CRYBG1: variants seen among roughly 807,000 people sequenced by gnomAD.
The protein encoded by CRYBG1 is beta/gamma crystallin domain-containing protein 1.
In CRYBG1, 139 loss-of-function variants were observed where a neutral mutation model predicts 189.2. The ratio of observed to expected loss-of-function variants is 0.73; its 90% CI spans 0.64 to 0.85. CRYBG1 has a LOEUF of 0.85. CRYBG1 is among the 40% of genes least tolerant of loss of function. The probability of loss-of-function intolerance (pLI) is 0.00; values close to 1 mark genes in which losing one functional copy is unlikely to be tolerated. For missense variants in CRYBG1, 2,611 were observed against 2,675.8 expected (o/e 0.98, Z 0.53); for synonymous variants, 1,023 against 1,017.1 (o/e 1.01, Z -0.11).
chr6:106,528,569 C>T lies in CRYBG1; in HGVS notation c.4578+1099C>T, dbSNP rs146830755. The stretch of plus-strand genomic sequence containing the variant: ...CACTGTGGTTCTCAATCCTTTTTTT[C>T]TCTTTATACCACTTTCCTGAAAATC... On this transcript the variant is annotated intron_variant, in intron 7 of 21. Transcript: ENST00000633556. 2.1e-3 allele frequency among the ~76,000 whole-genome samples: 325 copies of T among 152,034 alleles called. 2 individuals carry two copies. The highest frequency in any genetic ancestry group is 7.5e-3 in the African/African-American group (311 of 41,468).
chr6:106,452,228 G>A, intron 2 of CRYBG1, among the ~76,000 whole-genome samples: 1 of 133,548 alleles, frequency 7.5e-6, no homozygotes, highest in African/African-American at 2.8e-5. Flanking sequence ...CCAACATGAT[G>A]AAACCCAGAC....
At chr6:106,409,244 C>A (rs972706543) in intron 1 of CRYBG1, among the ~76,000 whole-genome samples, 2 of 152,036 alleles carry the variant, frequency 1.3e-5, no homozygotes, top group South Asian at 2.1e-4. Context: ...AAACAGAGAG[C>A]CAGATCATGA....
intron 3 of CRYBG1, among the ~76,000 whole-genome samples, chr6:106,513,852 CTG>C (rs1562097432): frequency 1.3e-5 from 2 of 152,324 alleles, no homozygotes; most frequent in Non-Finnish European, 2.9e-5. Flanking sequence ...CACAAAACAA[CTG>C]TGACTACTTG....
At chr6:106,506,840 G>C (rs1562093307) in intron 2 of CRYBG1, among the ~76,000 whole-genome samples, 1 of 151,982 alleles carries the variant, frequency 6.6e-6, no homozygotes, top group Non-Finnish European at 1.5e-5. Context: ...ACTTAGTTTT[G>C]TTCCCATAGT....
At chr6:106,508,987 G>A (rs1252079430) in intron 2 of CRYBG1, among the ~76,000 whole-genome samples, 3 of 27,328 alleles carry the variant, frequency 1.1e-4, no homozygotes, top group Non-Finnish European at 1.9e-4. Context: ...CTGATCAAGC[G>A]TCTGCTGCAT....
intron 2 of CRYBG1, 66 bp from the exon 3 acceptor site, chr6:106,511,364 A>T: frequency 1.5e-6 from 2 of 1,376,130 alleles, no homozygotes; most frequent in Non-Finnish European, 1.9e-6. Flanking sequence ...TGGTTCTGTA[A>T]TGTACGTCTA....
At chr6:106,511,286 T>C in intron 2 of CRYBG1, 144 bp from the exon 3 acceptor site, 1 of 811,936 alleles carries the variant, frequency 1.2e-6, no homozygotes, top group South Asian at 2.8e-5. Flanking sequence ...TTTGTTGGAA[T>C]GAATGTAACA....
At chr6:106,383,294 C>T (rs1371703337) in intron 1 of CRYBG1, among the ~76,000 whole-genome samples, 1 of 152,010 alleles carries the variant, frequency 6.6e-6, no homozygotes, top group East Asian at 1.9e-4. Context: ...CATAAGTAGT[C>T]GTTAAAGTTT....
rs73522996 is a variant in CRYBG1, at chr6:106,558,047, G to A, written c.5716-439G>A. 5.4e-3 allele frequency among the ~76,000 whole-genome samples: 816 copies of A among 152,172 alleles called. 7 individuals carry two copies. The highest frequency in any genetic ancestry group is 0.019 in the African/African-American group (795 of 41,508). On this transcript the variant is annotated intron_variant, in intron 17 of 21. Coordinates refer to ENST00000633556, the MANE Select transcript of CRYBG1 (RefSeq NM_001371242.2). ...AAGACATTTGAAAATACATACAAGAGGAAGGTTCCCTGATTAGGCAATACC... is the reference window on the plus strand; with the variant it reads ...AAGACATTTGAAAATACATACAAGAAGAAGGTTCCCTGATTAGGCAATACC...
chr6:106,482,508 G>A (rs910687386), intron 2 of CRYBG1, among the ~76,000 whole-genome samples: 1 of 152,134 alleles, frequency 6.6e-6, no homozygotes, highest in Non-Finnish European at 1.5e-5. Flanking sequence ...AGGCATGGTG[G>A]CTCACGCCTA....
Position 106,520,818 on chromosome 6 carries a change from C to A in CRYBG1, c.3610C>A (p.His1204Asn). 1 of 1,614,124 alleles carries A rather than the reference C, an allele frequency of 6.2e-7. No homozygotes were observed. Among genetic ancestry groups the A allele is most frequent in the Non-Finnish European group, 8.5e-7 (1 of 1,180,020 alleles). ...AEQSVLFKSLHTNTNGNSEPL... is the reference protein window; with the variant it reads ...AEQSVLFKSLNTNTNGNSEPL... ...ACAGAGCGTCCTCTTCAAGTCCCTG[C>A]ACACCAACACTAATGGGAACAGTGA... is the stretch of plus-strand genomic sequence containing the variant. Residue 1204 changes from histidine to asparagine, a missense_variant, in exon 4 of 22, where the codon CAC becomes AAC. Coordinates refer to ENST00000633556, the MANE Select transcript of CRYBG1 (RefSeq NM_001371242.2).
chr6:106,451,965 T>A, intron 2 of CRYBG1, 133 bp downstream of exon 2: 9 of 396,616 alleles, frequency 2.3e-5, no homozygotes, highest in South Asian at 1.0e-4. Flanking sequence ...ATTATATATA[T>A]CATATGTAAT....
rs138390542 is a variant in CRYBG1 at position 106,546,371 on chromosome 6, G to T, written c.5312+1438G>T. Reference sequence around the variant, plus strand: ...ATGTGACATTGGTTATGCTGAAAGTGTTTGGTGTTAGGTTTTTGTTGTCAT... The same window carrying T: ...ATGTGACATTGGTTATGCTGAAAGTTTTTGGTGTTAGGTTTTTGTTGTCAT... On this transcript the variant is annotated intron_variant, in intron 13 of 21. Coordinates refer to ENST00000633556, the MANE Select transcript of CRYBG1 (RefSeq NM_001371242.2). 3.2e-3 allele frequency among the ~76,000 whole-genome samples: 495 copies of T among 152,332 alleles called. 4 individuals carry two copies. The highest frequency in any genetic ancestry group is 0.012 in the African/African-American group (480 of 41,574).
chr6:106,482,034 C>T (rs975987253), intron 2 of CRYBG1, among the ~76,000 whole-genome samples: 4 of 150,964 alleles, frequency 2.6e-5, no homozygotes, highest in African/African-American at 9.8e-5. Flanking sequence ...TCCCAGGTTC[C>T]TGCTGTCTAG....
rs965476629 is a variant in CRYBG1 at position 106,520,244 on chromosome 6, T to C, written c.3036T>C (p.Asn1012=). The C allele has an allele frequency of 1.4e-5, 22 of 1,614,024 alleles. No individual in the cohort carries two copies. Among genetic ancestry groups the C allele is most frequent in the Non-Finnish European group, 1.5e-5 (18 of 1,180,030 alleles). The change falls in exon 4 of 22, where the codon AAT becomes AAC. Residue 1012 remains asparagine, a synonymous_variant. Coordinates refer to ENST00000633556, the MANE Select transcript of CRYBG1 (RefSeq NM_001371242.2). Reference sequence around the variant, plus strand: ...CCCCACAAGAGGAAGTACTGGGCAATGAACACTCTCATTGCACAGCAGAGC... The same window carrying C: ...CCCCACAAGAGGAAGTACTGGGCAACGAACACTCTCATTGCACAGCAGAGC... ...CAPPQEEVLG[N]EHSHCTAELA...
chr6:106,521,459 T>C lies in CRYBG1; in HGVS notation c.4245+6T>C. The C allele has an allele frequency of 6.4e-7, 1 of 1,555,196 alleles. No individual in the cohort carries two copies. Among genetic ancestry groups the C allele is most frequent in the Non-Finnish European group, 8.7e-7 (1 of 1,154,632 alleles). On this transcript the variant is annotated splice_donor_region_variant and intron_variant, in intron 4 of 21. Transcript: ENST00000633556. ...TGTCATTATCAGACACAATGGTAAG[T>C]AGCAATGTGTTATTATTTATTTGGG... is the stretch of plus-strand genomic sequence containing the variant.
chr6:106,512,014 GC>G lies in CRYBG1; in HGVS notation c.900del (p.Thr301ProfsTer9), dbSNP rs1562095383. ...TGGGTGTGAGGGGTGCGCCAGGGTC[GC>G]CCACCCAGGAGCGGCCCGCGGGAGG... ...FLGVRGAPGS[P>X]TQERPAGGLG... On this transcript the variant is annotated frameshift_variant, in exon 3 of 22. Transcript: ENST00000633556. LOFTEE classifies it high-confidence loss of function. 3 of 1,529,380 alleles carry G rather than the reference GC, an allele frequency of 2.0e-6. No individual in the cohort carries two copies. The highest frequency in any genetic ancestry group is 2.6e-6 in the Non-Finnish European group (3 of 1,143,252). 94.7% of individuals were successfully genotyped at this position (1,529,380 alleles called of 1,614,324 possible). A position where few individuals can be genotyped will look rare whatever the true frequency, so the allele number is the denominator to read the frequency against.
intron 2 of CRYBG1, among the ~76,000 whole-genome samples, chr6:106,464,251 T>C (rs1324907836): frequency 6.6e-6 from 1 of 152,138 alleles, no homozygotes; most frequent in Non-Finnish European, 1.5e-5. Context: ...TCCCAGCACT[T>C]TGGGAGGCCA....
intron 1 of CRYBG1, among the ~76,000 whole-genome samples, chr6:106,377,213 T>C (rs1770183828): frequency 6.6e-6 from 1 of 152,206 alleles, no homozygotes; most frequent in Non-Finnish European, 1.5e-5. Flanking sequence ...CATACAGTCC[T>C]CTATCTCCAC....
Sources: gnomAD v4.1 joint callset for allele counts (sites outside exome capture counted in the v4.1 genomes callset) on GRCh38, gnomAD v4.1.1 for gene constraint, MANE v1.5 for transcripts, NCBI Gene and HGNC (gene_info 2026-07-23, HGNC 2026-07-21) for gene names.